FGF1: variants seen among roughly 807,000 people sequenced by gnomAD.
The protein encoded by FGF1 is beta-endothelial cell growth factor.
In FGF1, 9 loss-of-function variants were observed where a neutral mutation model predicts 13.4. The observed-to-expected ratio is 0.67, with a 90% CI of 0.40 to 1.17. FGF1 has a LOEUF of 1.17. FGF1 is among the 50% of genes most tolerant of loss of function. The probability of loss-of-function intolerance (pLI) is 0.01; values close to 1 mark genes in which losing one functional copy is unlikely to be tolerated. For synonymous variants in FGF1, 93 were observed against 79.0 expected, an observed-to-expected ratio of 1.18 and a Z score of -0.94; for missense variants, 156 against 192.7, an observed-to-expected ratio of 0.81 and a Z score of 1.13.
chr5:142,675,552 G>C (rs1389394751), intron 1 of FGF1, among the ~76,000 whole-genome samples: 5 of 152,196 alleles, frequency 3.3e-5, no homozygotes, highest in Non-Finnish European at 7.3e-5. Context: ...AAAAGAAGGG[G>C]AAGAGAATTA....
chr5:142,599,088 G>A (rs563598900), intron 3 of FGF1, among the ~76,000 whole-genome samples: 5 of 152,270 alleles, frequency 3.3e-5, no homozygotes, highest in South Asian at 4.1e-4. Context: ...TGTGTGAGGC[G>A]GTTATGATCC....
In FGF1 at chr5:142,637,444, C is replaced by T. The variant is rs954275595; in HGVS notation, c.-34-23283G>A. On this transcript the variant is annotated intron_variant, in intron 1 of 3. Transcript: ENST00000337706. ...ACACCATTCTCCTGCCTCAGCCTCC[C>T]GAGTAGCTGGGACTACAGGTGCCTG... Among the ~76,000 whole-genome samples, 17 of 151,818 alleles carry T rather than the reference C, an allele frequency of 1.1e-4. 1 individual carries two copies. In the South Asian group the frequency reaches 2.3e-3, roughly 20 times the overall value.
intron 3 of FGF1, among the ~76,000 whole-genome samples, chr5:142,600,455 C>G (rs1246433983): frequency 6.6e-6 from 1 of 152,122 alleles, no homozygotes; most frequent in Non-Finnish European, 1.5e-5. Context: ...TGAAGAGTTA[C>G]CAAAACATCA....
chr5:142,678,365 C>A (rs1281101961), intron 1 of FGF1, among the ~76,000 whole-genome samples: 1 of 152,120 alleles, frequency 6.6e-6, no homozygotes, highest in African/African-American at 2.4e-5. Flanking sequence ...ACGGATCATG[C>A]CAACAACAGC....
At chr5:142,660,169 C>T (rs768580242) in intron 1 of FGF1, among the ~76,000 whole-genome samples, 17 of 152,366 alleles carry the variant, frequency 1.1e-4, no homozygotes, top group East Asian at 3.9e-4. Flanking sequence ...ACCATCTTCA[C>T]GCTCATCCGG....
At chr5:142,659,967 C>G (rs1597365877) in intron 1 of FGF1, among the ~76,000 whole-genome samples, 1 of 152,236 alleles carries the variant, frequency 6.6e-6, no homozygotes, top group African/African-American at 2.4e-5. Flanking sequence ...GCCACTGCCA[C>G]AGCAACACTA....
intron 1 of FGF1, among the ~76,000 whole-genome samples, chr5:142,656,010 A>G (rs897353986): frequency 6.6e-6 from 1 of 152,240 alleles, no homozygotes; most frequent in African/African-American, 2.4e-5. Context: ...ACTCTGTGCC[A>G]AAGAATGATC....
chr5:142,683,821 C>CAAAAAA lies in FGF1; in HGVS notation c.-35+2130_-35+2135dup, dbSNP rs768317949. Among the ~76,000 whole-genome samples the CAAAAAA allele has an allele frequency of 8.7e-3, 427 of 49,284 alleles. 4 individuals are homozygous for CAAAAAA. Among genetic ancestry groups the CAAAAAA allele is most frequent in the Admixed American group, 0.018 (69 of 3,908 alleles). 32.3% of individuals were successfully genotyped at this position (49,284 alleles called of 152,430 possible). On this transcript the variant is annotated intron_variant, in intron 1 of 3. Transcript: ENST00000337706. ...GAGCAACAAGAGTGAAACTCTGTCT[C>CAAAAAA]AAAAAAAAAAAAAAAAAAAAAAGGA...
chr5:142,609,141 A>T (rs1431669096), intron 2 of FGF1, among the ~76,000 whole-genome samples: 1 of 152,214 alleles, frequency 6.6e-6, no homozygotes, highest in African/African-American at 2.4e-5. Context: ...TTTCATGAAG[A>T]GGAATCTGCC....
At position 142,595,199 on chromosome 5, in the gene FGF1, G is replaced by A. The variant is rs924352891; in HGVS notation, c.*91C>T. On this transcript the variant is annotated 3_prime_UTR_variant, in exon 4 of 4. Coordinates refer to ENST00000337706, the MANE Select transcript of FGF1 (RefSeq NM_000800.5). ...CAGGCTCTGTGGGCTGGGGGTTAGC[G>A]CAGCCAATGGTCAAGGGAACATTTT... is the stretch of plus-strand genomic sequence containing the variant. The A allele has an allele frequency of 2.5e-5, 26 of 1,052,194 alleles. 1 individual carries two copies. Among genetic ancestry groups the A allele is most frequent in the South Asian group, 4.7e-5 (3 of 64,270 alleles). 65.2% of individuals were successfully genotyped at this position (1,052,194 alleles called of 1,614,324 possible).
chr5:142,618,489 G>A (rs1047930873), intron 1 of FGF1, among the ~76,000 whole-genome samples: 2 of 152,186 alleles, frequency 1.3e-5, no homozygotes, highest in African/African-American at 4.8e-5. Context: ...CTGACCTATA[G>A]GAGATAATAG....
At chr5:142,641,858 A>T (rs935420112) in intron 1 of FGF1, among the ~76,000 whole-genome samples, 1 of 150,560 alleles carries the variant, frequency 6.6e-6, no homozygotes, top group African/African-American at 2.5e-5. Context: ...TAAAACTGAG[A>T]TCTTGAGAAA....
chr5:142,645,429 A>C (rs989257017), intron 1 of FGF1, among the ~76,000 whole-genome samples: 1 of 152,134 alleles, frequency 6.6e-6, no homozygotes, highest in Non-Finnish European at 1.5e-5. Flanking sequence ...AGGTGGTAGA[A>C]GGAGTGGATG....
intron 1 of FGF1, among the ~76,000 whole-genome samples, chr5:142,617,619 A>G (rs1254815954): frequency 1.3e-5 from 2 of 152,102 alleles, no homozygotes; most frequent in Non-Finnish European, 2.9e-5. Context: ...TGGCTCCCCA[A>G]ACCCTTCAGA....
At chr5:142,637,437 A>G (rs1228591719) in intron 1 of FGF1, among the ~76,000 whole-genome samples, 1 of 151,458 alleles carries the variant, frequency 6.6e-6, no homozygotes, top group Non-Finnish European at 1.5e-5. Flanking sequence ...CTCCTGCCTC[A>G]GCCTCCCGAG....
intron 3 of FGF1, among the ~76,000 whole-genome samples, chr5:142,599,475 A>G (rs1365213492): frequency 6.6e-6 from 1 of 152,222 alleles, no homozygotes; most frequent in African/African-American, 2.4e-5. Context: ...GCTCCAGACT[A>G]AAATTCCCCC....
intron 1 of FGF1, among the ~76,000 whole-genome samples, chr5:142,646,881 A>C (rs919735215): frequency 6.6e-6 from 1 of 152,170 alleles, no homozygotes; most frequent in Non-Finnish European, 1.5e-5. Context: ...TCCCCACTTC[A>C]GAATCTGGGA....
At chr5:142,644,531 G>A (rs942733836) in intron 1 of FGF1, among the ~76,000 whole-genome samples, 2 of 152,064 alleles carry the variant, frequency 1.3e-5, no homozygotes, top group Non-Finnish European at 2.9e-5. Context: ...GCAACCCCAG[G>A]TTCTCTGAAC....
chr5:142,638,997 T>C (rs1764728446), intron 1 of FGF1, among the ~76,000 whole-genome samples: 1 of 151,944 alleles, frequency 6.6e-6, no homozygotes, highest in Non-Finnish European at 1.5e-5. Context: ...TTAGAATAGC[T>C]AATATCAAAA....
Sources: gnomAD v4.1 joint callset for allele counts (sites outside exome capture counted in the v4.1 genomes callset) on GRCh38, gnomAD v4.1.1 for gene constraint, MANE v1.5 for transcripts, NCBI Gene and HGNC (gene_info 2026-07-23, HGNC 2026-07-21) for gene names.